The following CELF2 variants were observed in gnomAD, a reference collection of about 807,000 sequenced individuals.
CELF2 encodes the protein CUG triplet repeat RNA-binding protein 2.
In CELF2, 8 loss-of-function variants were observed where a neutral mutation model predicts 62.6. The observed-to-expected ratio is 0.13, with a 90% confidence interval of 0.07 to 0.23. The LOEUF is 0.23. Ranked by LOEUF, CELF2 falls within the 10% of genes least tolerant of loss-of-function variation. The pLI is 1.00. For missense variants in CELF2, 333 were observed against 671.0 expected (o/e 0.50, Z 5.56); for synonymous variants, 258 against 250.0 (o/e 1.03, Z -0.30).
At chr10:10,850,202 A>T (rs1292840032) in intron 1 of CELF2, among the ~76,000 whole-genome samples, 1 of 152,142 alleles carries the variant, frequency 6.6e-6, no homozygotes, top group Non-Finnish European at 1.5e-5. Context: ...GAAGTTATTA[A>T]ATTATATCTG....
intron 2 of CELF2, among the ~76,000 whole-genome samples, chr10:11,213,957 G>T (rs1028655729): frequency 2.0e-5 from 3 of 152,272 alleles, no homozygotes; most frequent in African/African-American, 7.2e-5. Flanking sequence ...CTAGTTTCGT[G>T]GGGGGATATT....
chr10:10,664,880 G>A, the CELF2 span, among the ~76,000 whole-genome samples: 46 of 152,188 alleles, frequency 3.0e-4, no homozygotes, highest in African/African-American at 1.1e-3. Flanking sequence ...CAATCGCAAA[G>A]AGGTATTCAC....
chr10:11,272,825 G>A (rs1228397489), intron 7 of CELF2, among the ~76,000 whole-genome samples: 1 of 152,200 alleles, frequency 6.6e-6, no homozygotes, highest in Non-Finnish European at 1.5e-5. Context: ...ATCCTGGGTG[G>A]TGGTTTAATG....
At chr10:10,708,775 C>G in the CELF2 span, among the ~76,000 whole-genome samples, 816 of 152,162 alleles carry the variant, frequency 5.4e-3, 9 homozygotes, top group African/African-American at 0.019. Context: ...AAATAATATA[C>G]TGGGAATGGT....
intron 5 of CELF2, among the ~76,000 whole-genome samples, chr10:11,263,631 C>T (rs2081355983): frequency 6.6e-6 from 1 of 152,184 alleles, no homozygotes; most frequent in African/African-American, 2.4e-5. Flanking sequence ...ACAGTTACAA[C>T]CCAGGTTATT....
intron 1 of CELF2, among the ~76,000 whole-genome samples, chr10:11,091,708 A>G (rs2141975834): frequency 6.6e-6 from 1 of 152,352 alleles, no homozygotes; most frequent in Middle Eastern, 3.4e-3. Flanking sequence ...GTGAAATGAA[A>G]CTAGTAGAAA....
At chr10:10,830,021 A>G (rs2057715587) in intron 1 of CELF2, among the ~76,000 whole-genome samples, 1 of 151,820 alleles carries the variant, frequency 6.6e-6, no homozygotes, top group South Asian at 2.1e-4. Flanking sequence ...CATTTCTTCA[A>G]TCCTCTATGA....
rs1023318252 is a variant in CELF2 at position 11,086,462 on chromosome 10, G to A, written c.74+68299G>A. On this transcript the variant is annotated intron_variant, in intron 1 of 12. Transcript: ENST00000633077. ...GACGCCAACATTCCAACATCATTAT[G>A]TAAAGTAAAATAGCATCATTGAGAG... Among the ~76,000 whole-genome samples the A allele has an allele frequency of 4.0e-4, 60 of 151,710 alleles. 1 individual carries two copies. Among genetic ancestry groups the A allele is most frequent in the African/African-American group, 1.4e-3 (59 of 41,308 alleles).
At chr10:10,996,603 T>C (rs1336817681) in intron 2 of CELF2, among the ~76,000 whole-genome samples, 1 of 152,244 alleles carries the variant, frequency 6.6e-6, no homozygotes, top group Non-Finnish European at 1.5e-5. Flanking sequence ...ATCTCATCGA[T>C]GGCAAGGTAA....
rs2056554719 is a variant in CELF2 at position 10,817,321 on chromosome 10, G to A, written c.53+18504G>A. Among the ~76,000 whole-genome samples the A allele has an allele frequency of 2.0e-5, 3 of 152,082 alleles. 1 individual carries two copies. Among genetic ancestry groups the A allele is most frequent in the Admixed American group, 2.0e-4 (3 of 15,258 alleles). ...CATTTATCCTTTGAGTTACAAACAA[G>A]CCAATAGCACTCTTTAAATTATTTT... On this transcript the variant is annotated intron_variant, in intron 1 of 13. Coordinates refer to the CELF2 transcript ENST00000636488.
chr10:10,676,103 A>C, the CELF2 span, among the ~76,000 whole-genome samples: 2 of 152,144 alleles, frequency 1.3e-5, no homozygotes, highest in Non-Finnish European at 2.9e-5. Flanking sequence ...TGGGGGAAGG[A>C]GAAGCATTCT....
chr10:10,908,962 T>C (rs1216070281), intron 1 of CELF2, among the ~76,000 whole-genome samples: 2 of 152,202 alleles, frequency 1.3e-5, no homozygotes, highest in Non-Finnish European at 2.9e-5. Context: ...AATTTTTTAG[T>C]ATTTTTAGTA....
the CELF2 span, among the ~76,000 whole-genome samples, chr10:10,554,856 C>T: frequency 1.3e-5 from 2 of 152,146 alleles, no homozygotes; most frequent in African/African-American, 4.8e-5. Flanking sequence ...ATGTATTTCC[C>T]TCTACAGTGA....
chr10:10,633,956 T>A, the CELF2 span, among the ~76,000 whole-genome samples: 2 of 152,100 alleles, frequency 1.3e-5, no homozygotes, highest in Non-Finnish European at 2.9e-5. Flanking sequence ...ATCCTGCCTA[T>A]TCAACCACTG....
In CELF2 at chr10:10,938,034, C is replaced by T. The variant is rs1277238468; in HGVS notation, c.89+18035C>T. ...ACTCTATTCCCATTCAGTCTATCCC[C>T]TCAACTAAAGTAAACTGAGGTATCT... On this transcript the variant is annotated intron_variant, in intron 2 of 13. Transcript: ENST00000636488. This position sits in a 1 kb window ranked among gnomAD's most constrained non-coding sequence, Gnocchi z 4.2. Among the ~76,000 whole-genome samples the T allele has an allele frequency of 1.3e-5, 2 of 152,142 alleles. No homozygotes were observed. The highest frequency in any genetic ancestry group is 2.4e-5 in the African/African-American group (1 of 41,434).
At position 11,296,165 on chromosome 10, in the gene CELF2, A is replaced by T. The variant is rs1434139378; in HGVS notation, c.976+7613A>T. Among the ~76,000 whole-genome samples, 1 of 152,158 alleles carries T rather than the reference A, an allele frequency of 6.6e-6. No individual in the cohort carries two copies. Among genetic ancestry groups the T allele is most frequent in the Non-Finnish European group, 1.5e-5 (1 of 68,030 alleles). ...CGCGTGCATCTTAGGGCTGCCACTC[A>T]CCAAGCGCATTGTTCCTTGTTTTGA... On this transcript the variant is annotated intron_variant, in intron 9 of 12. Transcript: ENST00000633077. The surrounding 1 kb of genome is among the most constrained non-coding windows in gnomAD (Gnocchi z 5.0).
At chr10:10,659,714 T>C in the CELF2 span, among the ~76,000 whole-genome samples, 1 of 152,184 alleles carries the variant, frequency 6.6e-6, no homozygotes, top group Non-Finnish European at 1.5e-5. Context: ...ATGAGGACTA[T>C]TTAGTGCCTT....
chr10:10,942,694 C>G (rs1036674298), intron 2 of CELF2, among the ~76,000 whole-genome samples: 24 of 152,240 alleles, frequency 1.6e-4, no homozygotes, highest in African/African-American at 5.3e-4. Flanking sequence ...ACATGAATAC[C>G]AAGAGGTAGG....
At chr10:10,753,118 G>A in the CELF2 span, among the ~76,000 whole-genome samples, 1 of 152,144 alleles carries the variant, frequency 6.6e-6, no homozygotes, top group East Asian at 1.9e-4. Context: ...ATATTAAAAA[G>A]GTAAGCATTG....
Sources: allele counts gnomAD v4.1 joint callset (sites outside exome capture counted in the v4.1 genomes callset), GRCh38; gene constraint gnomAD v4.1.1; non-coding constraint Gnocchi (gnomAD v3.1); transcripts MANE v1.5; gene names NCBI Gene and HGNC (gene_info 2026-07-23, HGNC 2026-07-21).